MTFR1: variants seen among roughly 807,000 people sequenced by gnomAD.
MTFR1 encodes the protein chondrocyte protein with a poly-proline region.
In MTFR1, 28 loss-of-function variants were observed where a neutral mutation model predicts 38.8. The ratio of observed to expected loss-of-function variants is 0.72; its 90% confidence interval spans 0.53 to 0.99. MTFR1 has a LOEUF of 0.99. Ranked by LOEUF, MTFR1 falls within the 50% of genes least tolerant of loss-of-function variation. The probability of loss-of-function intolerance (pLI) is 0.00; values close to 1 mark genes in which losing one functional copy is unlikely to be tolerated. For synonymous variants in MTFR1, 145 were observed against 137.0 expected (o/e 1.06, Z -0.41); for missense variants, 358 against 395.5 (o/e 0.91, Z 0.81).
At chr8:65,735,396 C>T (rs1807086026) in intron 3 of MTFR1, among the ~76,000 whole-genome samples, 1 of 151,994 alleles carries the variant, frequency 6.6e-6, no homozygotes, top group South Asian at 2.1e-4. Context: ...GCAGCCCTGA[C>T]CTCCTGGGCT....
At chr8:65,702,540 T>TC (rs1366232295) in intron 4 of MTFR1, among the ~76,000 whole-genome samples, 3 of 152,188 alleles carry the variant, frequency 2.0e-5, no homozygotes, top group Non-Finnish European at 2.9e-5. Flanking sequence ...CCTCAAGTGA[T>TC]CCGCCTGCCT....
downstream of MTFR1, among the ~76,000 whole-genome samples, chr8:65,775,597 G>A (rs151105996): frequency 4.2e-3 from 644 of 152,282 alleles, 3 homozygotes; most frequent in African/African-American, 0.014. Context: ...TAGTATCAGT[G>A]ATCCTACGTC....
chr8:65,719,323 T>A (rs1806278732), intron 2 of MTFR1: 1 of 1,613,906 alleles, frequency 6.2e-7, no homozygotes, highest in Non-Finnish European at 8.5e-7. Flanking sequence ...GTAATAACTG[T>A]GAGTTCAACT....
At chr8:65,670,526 T>C (rs889449493) in intron 2 of MTFR1, among the ~76,000 whole-genome samples, 1 of 152,212 alleles carries the variant, frequency 6.6e-6, no homozygotes, top group Non-Finnish European at 1.5e-5. Context: ...ATAAGTATTT[T>C]CTACTGATAT....
Position 65,749,045 on chromosome 8 carries a change from T to C in MTFR1, c.*49-21902T>C, listed in dbSNP as rs115511919. ...GCTCCAAGTCTGGCTCTTTGTAGAC[T>C]TGACTCAGCTGTCACCTTCCCTGGG... On this transcript the variant is annotated intron_variant, in intron 3 of 3. Coordinates refer to the MTFR1 transcript ENST00000521247. 1.5e-3 allele frequency among the ~76,000 whole-genome samples: 232 copies of C among 152,332 alleles called. 1 individual carries two copies. The highest frequency in any genetic ancestry group is 5.3e-3 in the African/African-American group (221 of 41,582).
intron 2 of MTFR1, chr8:65,719,228 A>G: frequency 1.8e-6 from 2 of 1,129,078 alleles, no homozygotes; most frequent in South Asian, 2.5e-5. Flanking sequence ...CTCTCACCTC[A>G]AGACCCCATT....
At chr8:65,722,520 C>G (rs757355148) in intron 3 of MTFR1, 1 of 152,214 alleles carries the variant, frequency 6.6e-6, no homozygotes, top group Non-Finnish European at 1.5e-5. Context: ...CAGTCTGATT[C>G]TCAAAGGCCC....
At chr8:65,770,100 CTTA>C (rs1390681611) in intron 3 of MTFR1, among the ~76,000 whole-genome samples, 1 of 150,474 alleles carries the variant, frequency 6.6e-6, no homozygotes, top group Admixed American at 6.6e-5. Flanking sequence ...TAACATTTGT[CTTA>C]TTACTTGCAG....
At chr8:65,705,040 T>C (rs1432230354) in intron 5 of MTFR1, 111 bp downstream of exon 5, 6 of 965,734 alleles carry the variant, frequency 6.2e-6, no homozygotes, top group Non-Finnish European at 9.3e-6. Flanking sequence ...GAAAACCAGG[T>C]GTCATCCAGG....
chr8:65,708,264 G>A, intron 7 of MTFR1: 1 of 681,086 alleles, frequency 1.5e-6, no homozygotes. Context: ...ACTTGTAGAA[G>A]AGCAGAAAGA....
At chr8:65,772,693 G>A (rs896085868), downstream of MTFR1, among the ~76,000 whole-genome samples, 2 of 152,212 alleles carry the variant, frequency 1.3e-5, no homozygotes, top group African/African-American at 2.4e-5. Flanking sequence ...CAACTTTACT[G>A]TGCATAAACT....
chr8:65,748,725 C>A (rs536393618), intron 3 of MTFR1, among the ~76,000 whole-genome samples: 4 of 152,164 alleles, frequency 2.6e-5, no homozygotes, highest in Non-Finnish European at 5.9e-5. Context: ...TCACTCACTC[C>A]TCTATTAACC....
intron 3 of MTFR1, among the ~76,000 whole-genome samples, chr8:65,769,868 C>T (rs939393024): frequency 1.3e-5 from 2 of 152,076 alleles, no homozygotes; most frequent in Non-Finnish European, 2.9e-5. Context: ...TGCACTCCAG[C>T]CTGGGTGACA....
chr8:65,667,272 G>A (rs1325790236), intron 1 of MTFR1, among the ~76,000 whole-genome samples: 8 of 139,356 alleles, frequency 5.7e-5, no homozygotes, highest in South Asian at 2.2e-4. Context: ...GTGAAACTCC[G>A]TCTCAAAAAA....
chr8:65,723,644 T>C, intron 3 of MTFR1: 1 of 1,465,566 alleles, frequency 6.8e-7, no homozygotes, highest in South Asian at 1.3e-5. Flanking sequence ...AAAAGAGAAG[T>C]ATTAATATGA....
intron 1 of MTFR1, among the ~76,000 whole-genome samples, chr8:65,648,607 A>G (rs1371982491): frequency 2.6e-5 from 4 of 152,194 alleles, no homozygotes; most frequent in African/African-American, 9.7e-5. Context: ...AGTTGATATC[A>G]TTAAAAAATT....
At chr8:65,680,876 G>A (rs1236947931) in intron 2 of MTFR1, among the ~76,000 whole-genome samples, 2 of 149,910 alleles carry the variant, frequency 1.3e-5, no homozygotes, top group South Asian at 2.1e-4. Context: ...TGCAACCTCC[G>A]CTTCCTGGGT....
At chr8:65,685,767 G>T (rs1049003804) in intron 3 of MTFR1, among the ~76,000 whole-genome samples, 1 of 152,186 alleles carries the variant, frequency 6.6e-6, no homozygotes, top group African/African-American at 2.4e-5. Context: ...GCTAATAAAG[G>T]TATAATTATC....
intron 3 of MTFR1, among the ~76,000 whole-genome samples, chr8:65,735,109 C>A (rs886758671): frequency 2.6e-5 from 4 of 152,126 alleles, no homozygotes; most frequent in African/African-American, 9.7e-5. Flanking sequence ...GACGAACAGA[C>A]TAGGCTTCGG....
Sources: allele counts gnomAD v4.1 joint callset (sites outside exome capture counted in the v4.1 genomes callset), GRCh38; gene constraint gnomAD v4.1.1; transcripts MANE v1.5; gene names NCBI Gene and HGNC (gene_info 2026-07-23, HGNC 2026-07-21).